The following CNBD1 variants were observed in gnomAD, a reference collection of about 807,000 sequenced individuals.
The protein encoded by CNBD1 is cyclic nucleotide-binding domain-containing protein 1.
CNBD1 carries 71 observed loss-of-function variants against 54.4 expected under a neutral mutation model. That is an observed-to-expected ratio of 1.30 (90% CI 1.08 to 1.59). CNBD1 has a LOEUF of 1.59. Among genes scored for constraint, CNBD1 ranks in the 40% most tolerant of loss-of-function variants. The probability of loss-of-function intolerance (pLI) is 0.00; values close to 1 mark genes in which losing one functional copy is unlikely to be tolerated. For missense variants in CNBD1, 659 were observed against 518.0 expected (o/e 1.27, Z -2.64); for synonymous variants, 182 against 170.7 (o/e 1.07, Z -0.51).
intron 6 of CNBD1, among the ~76,000 whole-genome samples, chr8:87,275,269 T>A (rs1041353557): frequency 1.5e-5 from 2 of 137,230 alleles, no homozygotes; most frequent in Non-Finnish European, 3.2e-5. Context: ...TCTTTTTTGG[T>A]TCCATATGAA....
intron 2 of CNBD1, among the ~76,000 whole-genome samples, chr8:87,416,050 TATAA>T (rs1377331261): frequency 2.0e-5 from 3 of 151,970 alleles, no homozygotes; most frequent in East Asian, 3.9e-4. Context: ...AAAGCTTTAC[TATAA>T]ATAAGTTGGA....
chr8:87,261,931 A>G (rs1263261498), intron 6 of CNBD1, among the ~76,000 whole-genome samples: 1 of 151,450 alleles, frequency 6.6e-6, no homozygotes, highest in African/African-American at 2.4e-5. Context: ...AGATTGCTTG[A>G]GCTCAGGAGT....
intron 6 of CNBD1, among the ~76,000 whole-genome samples, chr8:87,267,783 A>G (rs972225871): frequency 1.3e-5 from 2 of 151,872 alleles, no homozygotes; most frequent in African/African-American, 4.8e-5. Flanking sequence ...GCCCAAAGTA[A>G]TTCATTTTAT....
At chr8:86,941,823 A>G (rs1327680889) in intron 4 of CNBD1, among the ~76,000 whole-genome samples, 2 of 152,194 alleles carry the variant, frequency 1.3e-5, no homozygotes, top group Non-Finnish European at 2.9e-5. Context: ...CATGGATGCT[A>G]TTTAATGGCC....
intron 4 of CNBD1, among the ~76,000 whole-genome samples, chr8:87,119,397 T>C (rs181465692): frequency 3.5e-4 from 53 of 152,178 alleles, no homozygotes; most frequent in Non-Finnish European, 6.6e-4. Flanking sequence ...TATTGGTGTG[T>C]AGAAATGGTA....
chr8:87,094,386 T>G (rs1455020751), intron 4 of CNBD1, among the ~76,000 whole-genome samples: 1 of 151,640 alleles, frequency 6.6e-6, no homozygotes, highest in Non-Finnish European at 1.5e-5. Flanking sequence ...TAAAATTTTT[T>G]TATTTTTGTA....
intron 4 of CNBD1, among the ~76,000 whole-genome samples, 193 bp from the exon 5 acceptor site, chr8:87,205,800 G>A (rs990267475): frequency 2.6e-5 from 4 of 152,044 alleles, no homozygotes; most frequent in African/African-American, 4.8e-5. Flanking sequence ...TTGTGAAAGC[G>A]CATCTTAATG....
intron 8 of CNBD1, among the ~76,000 whole-genome samples, chr8:87,333,871 T>C (rs1209333430): frequency 6.6e-6 from 1 of 152,198 alleles, no homozygotes; most frequent in Admixed American, 6.5e-5. Context: ...ATCAGAATGA[T>C]CTTGGCCTCA....
At chr8:86,913,680 A>C (rs913003556) in intron 3 of CNBD1, among the ~76,000 whole-genome samples, 1 of 152,194 alleles carries the variant, frequency 6.6e-6, no homozygotes, top group African/African-American at 2.4e-5. Context: ...ACAAGGCAGA[A>C]GGTCAGAGCG....
intron 4 of CNBD1, among the ~76,000 whole-genome samples, chr8:87,142,476 A>G (rs1586286178): frequency 6.6e-6 from 1 of 152,192 alleles, no homozygotes; most frequent in African/African-American, 2.4e-5. Context: ...GCTTGTTTTA[A>G]CATTACAATA....
chr8:86,898,021 A>G (rs1400380806), intron 2 of CNBD1, among the ~76,000 whole-genome samples: 2 of 152,202 alleles, frequency 1.3e-5, no homozygotes, highest in Admixed American at 6.5e-5. Flanking sequence ...ACCATGAAAT[A>G]TTATGAAGAA....
chr8:86,913,141 A>G (rs377760026), intron 3 of CNBD1, among the ~76,000 whole-genome samples: 229 of 152,296 alleles, frequency 1.5e-3, no homozygotes, highest in African/African-American at 5.3e-3. Flanking sequence ...TTGTTATTGA[A>G]GAAAGAAAAA....
intron 6 of CNBD1, among the ~76,000 whole-genome samples, chr8:87,264,478 T>A (rs1460863652): frequency 6.6e-6 from 1 of 152,192 alleles, no homozygotes; most frequent in Non-Finnish European, 1.5e-5. Flanking sequence ...TGTGTCTTTA[T>A]AGTAGCATGA....
At chr8:87,242,484 C>A (rs1007425459) in intron 6 of CNBD1, among the ~76,000 whole-genome samples, 10 of 152,102 alleles carry the variant, frequency 6.6e-5, no homozygotes, top group Non-Finnish European at 1.3e-4. Context: ...TATTAATTAA[C>A]CCTCTTCTAT....
intron 6 of CNBD1, among the ~76,000 whole-genome samples, chr8:87,244,920 ATTTAT>A (rs1264281101): frequency 6.6e-6 from 1 of 152,292 alleles, no homozygotes; most frequent in Admixed American, 6.5e-5. Context: ...GTTTTATTAC[ATTTAT>A]TTTATCTAAA....
intron 4 of CNBD1, among the ~76,000 whole-genome samples, chr8:86,980,823 G>A (rs889359631): frequency 3.3e-5 from 5 of 152,262 alleles, no homozygotes; most frequent in East Asian, 1.9e-4. Flanking sequence ...GGGTAAACCC[G>A]AGTTTGCTAA....
intron 4 of CNBD1, among the ~76,000 whole-genome samples, chr8:87,120,432 T>C: frequency 6.6e-6 from 1 of 152,058 alleles, no homozygotes; most frequent in East Asian, 1.9e-4. Flanking sequence ...CTTTTTCCTT[T>C]CTGATATTGT....
rs144154629 is a variant in CNBD1 at position 87,419,360 on chromosome 8, G to A, written c.214-9186G>A. Among the ~76,000 whole-genome samples, 606 of 151,896 alleles carry A rather than the reference G, an allele frequency of 4.0e-3. 11 individuals carry two copies. The highest frequency in any genetic ancestry group is 3.4e-3 in the Middle Eastern group (1 of 294). Reference sequence around the variant, plus strand: ...AGTATTTATCTTCAGTATGAAAATGGTCTGGAATTAGATATGGTTCCACAG... The same window carrying A: ...AGTATTTATCTTCAGTATGAAAATGATCTGGAATTAGATATGGTTCCACAG... On this transcript the variant is annotated intron_variant, in intron 2 of 7. Transcript: ENST00000521593.
chr8:87,240,089 C>G (rs1207770138), intron 6 of CNBD1, among the ~76,000 whole-genome samples: 3 of 151,658 alleles, frequency 2.0e-5, no homozygotes, highest in Non-Finnish European at 4.4e-5. Flanking sequence ...CACACACACA[C>G]ACACACACAC....
Sources: gnomAD v4.1 joint callset for allele counts (sites outside exome capture counted in the v4.1 genomes callset) on GRCh38, gnomAD v4.1.1 for gene constraint, MANE v1.5 for transcripts, NCBI Gene and HGNC (gene_info 2026-07-23, HGNC 2026-07-21) for gene names.